Variants in L3MBTL4 observed in about 807,000 individuals in gnomAD.
L3MBTL4 encodes L3MBTL histone methyl-lysine binding protein 4, also known as lethal(3)malignant brain tumor-like protein 4.
Under a neutral mutation model 84.5 loss-of-function variants are expected in L3MBTL4, and 70 were observed. The observed-to-expected ratio is 0.83, with a 90% confidence interval of 0.68 to 1.01. The LOEUF (loss-of-function observed/expected upper bound fraction) is 1.01, where lower values mean the gene tolerates loss of function less well. L3MBTL4 is among the 50% of genes least tolerant of loss of function. L3MBTL4 has a pLI of 0.00. For synonymous variants in L3MBTL4, 274 were observed against 259.8 expected, an observed-to-expected ratio of 1.05 and a Z score of -0.52; for missense variants, 715 against 754.8, an observed-to-expected ratio of 0.95 and a Z score of 0.62.
intron 1 of L3MBTL4, among the ~76,000 whole-genome samples, chr18:6,360,556 A>T (rs1164972984): frequency 6.6e-6 from 1 of 152,218 alleles, no homozygotes; most frequent in Non-Finnish European, 1.5e-5. Context: ...AAACTGAGAG[A>T]TCAAAGGTTG....
At chr18:6,201,409 G>A (rs903365713) in intron 12 of L3MBTL4, among the ~76,000 whole-genome samples, 1 of 152,190 alleles carries the variant, frequency 6.6e-6, no homozygotes. Context: ...AGAAGGCTGT[G>A]AGGAGCGAGG....
chr18:6,163,270 T>TGGGG (rs371267417), intron 13 of L3MBTL4, among the ~76,000 whole-genome samples: 4 of 52,118 alleles, frequency 7.7e-5, no homozygotes, highest in African/African-American at 1.6e-4. Flanking sequence ...GGGGGGGGGG[T>TGGGG]GGGTGTGTGT....
chr18:6,133,679 A>T, intron 14 of L3MBTL4, among the ~76,000 whole-genome samples: 1 of 152,186 alleles, frequency 6.6e-6, no homozygotes, highest in East Asian at 1.9e-4. Flanking sequence ...GGCAACCATC[A>T]GGTGATGGTC....
rs577991217 is a variant in L3MBTL4, at chr18:6,241,568, C to A, written c.461-119G>T. 5.0e-5 allele frequency: 29 copies of A among 575,710 alleles called. 1 individual carries two copies. Among genetic ancestry groups the A allele is most frequent in the African/African-American group, 3.3e-4 (17 of 52,094 alleles). 35.7% of individuals were successfully genotyped at this position (575,710 alleles called of 1,614,324 possible). A position where few individuals can be genotyped will look rare whatever the true frequency, so the allele number is the denominator to read the frequency against. ...GCCATTACTTTTAATGGAAAAAAAACGCAATTACTTTTGCACCAACCTCAT... is the reference window on the plus strand; with the variant it reads ...GCCATTACTTTTAATGGAAAAAAAAAGCAATTACTTTTGCACCAACCTCAT... On this transcript the variant is annotated intron_variant, in intron 7 of 18. Transcript: ENST00000317931.
At chr18:6,347,619 C>CT (rs199620848) in intron 1 of L3MBTL4, among the ~76,000 whole-genome samples, 4 of 151,272 alleles carry the variant, frequency 2.6e-5, no homozygotes, top group Non-Finnish European at 5.9e-5. Context: ...CAATTCATAA[C>CT]TTTTTAAAAA....
At chr18:6,263,841 A>G in intron 5 of L3MBTL4, 106 bp downstream of exon 5, 1 of 818,966 alleles carries the variant, frequency 1.2e-6, no homozygotes. Context: ...CAGAGCCTAC[A>G]AATAATTCAA....
intron 16 of L3MBTL4, among the ~76,000 whole-genome samples, chr18:6,006,335 A>T (rs1435318108): frequency 6.6e-6 from 1 of 152,204 alleles, no homozygotes; most frequent in Non-Finnish European, 1.5e-5. Context: ...CATGAGGTCA[A>T]AGACAGAATA....
chr18:6,115,884 G>C (rs2059342635), intron 14 of L3MBTL4, among the ~76,000 whole-genome samples: 1 of 152,186 alleles, frequency 6.6e-6, no homozygotes, highest in African/African-American at 2.4e-5. Flanking sequence ...GATGCCCTGG[G>C]AGGTGGGGCC....
intron 14 of L3MBTL4, among the ~76,000 whole-genome samples, chr18:6,128,786 G>T (rs542342634): frequency 3.5e-4 from 54 of 152,200 alleles, no homozygotes; most frequent in African/African-American, 1.3e-3. Context: ...AGGAAAGGGA[G>T]ATAAAGGGAA....
At chr18:5,969,193 A>G (rs1037209700) in intron 17 of L3MBTL4, among the ~76,000 whole-genome samples, 200 bp downstream of exon 17, 1 of 152,138 alleles carries the variant, frequency 6.6e-6, no homozygotes, top group Non-Finnish European at 1.5e-5. Flanking sequence ...CATCTGGGCA[A>G]GTGGTGGGCT....
At chr18:6,185,078 A>G (rs2044657909) in intron 12 of L3MBTL4, among the ~76,000 whole-genome samples, 1 of 152,214 alleles carries the variant, frequency 6.6e-6, no homozygotes, top group Admixed American at 6.5e-5. Flanking sequence ...GGTAAATTTG[A>G]TGAATTCCAT....
At chr18:6,383,765 G>T (rs2054699027) in intron 1 of L3MBTL4, among the ~76,000 whole-genome samples, 1 of 152,176 alleles carries the variant, frequency 6.6e-6, no homozygotes, top group African/African-American at 2.4e-5. Flanking sequence ...CAGCCATCTT[G>T]CCAGCAATCC....
chr18:6,295,513 AC>A (rs983719808), intron 4 of L3MBTL4, among the ~76,000 whole-genome samples: 6 of 152,070 alleles, frequency 3.9e-5, no homozygotes, highest in African/African-American at 1.4e-4. Context: ...GCACGAATTC[AC>A]CCAAAAGAGA....
At chr18:6,239,149 G>A (rs958579693) in intron 9 of L3MBTL4, among the ~76,000 whole-genome samples, 14 of 151,712 alleles carry the variant, frequency 9.2e-5, no homozygotes, top group Non-Finnish European at 1.5e-4. Flanking sequence ...AGACCATCCC[G>A]GCTAAAACGG....
In L3MBTL4 at chr18:6,237,994, C is replaced by T. The variant is rs1599284213; in HGVS notation, c.754G>A (p.Glu252Lys). ...PYVQPVGWCQ[E>K]NGRTLIAPQG... ...GGTGCTATCAGAGTTCTTCCATTCT[C>T]CTGACACCAACCAACTGGCTGGACA... Residue 252 changes from glutamate to lysine, a missense_variant, in exon 10 of 19, where the codon GAG (glutamate) becomes AAG (lysine). By Grantham distance (56) the Glu-to-Lys change is moderately conservative (BLOSUM62 1). Transcript: ENST00000317931. 6.2e-7 allele frequency: 1 copy of T among 1,614,164 alleles called. No individual in the cohort carries two copies.
intron 16 of L3MBTL4, among the ~76,000 whole-genome samples, chr18:5,986,596 T>G (rs2053474348): frequency 6.6e-6 from 1 of 152,248 alleles, no homozygotes; most frequent in Non-Finnish European, 1.5e-5. Flanking sequence ...AAGCAAAGAT[T>G]TCAAAATAGG....
At position 6,332,319 on chromosome 18, in the gene L3MBTL4, C is replaced by T. The variant is rs142848265; in HGVS notation, c.-90-20263G>A. Among the ~76,000 whole-genome samples the T allele has an allele frequency of 2.4e-3, 372 of 152,262 alleles. 3 individuals are homozygous for T. The highest frequency in any genetic ancestry group is 8.5e-3 in the African/African-American group (353 of 41,532). On this transcript the variant is annotated intron_variant, in intron 1 of 18. Coordinates refer to ENST00000317931, the MANE Select transcript of L3MBTL4 (RefSeq NM_001330559.2). ...CAAAGAGTTGACACGTTCTGAAGAC[C>T]ACTGGGCTGCTCATAGAATACAATG...
intron 15 of L3MBTL4, among the ~76,000 whole-genome samples, chr18:6,085,962 T>G (rs1235012448): frequency 6.6e-6 from 1 of 152,200 alleles, no homozygotes; most frequent in African/African-American, 2.4e-5. Context: ...CTGGAATTAT[T>G]AAGGTGGACA....
At chr18:6,364,404 G>A (rs1166178697) in intron 1 of L3MBTL4, among the ~76,000 whole-genome samples, 2 of 151,586 alleles carry the variant, frequency 1.3e-5, no homozygotes, top group East Asian at 3.9e-4. Context: ...AGCACCTTTG[G>A]GTCCTTAGTA....
Sources: allele counts gnomAD v4.1 joint callset (sites outside exome capture counted in the v4.1 genomes callset), GRCh38; gene constraint gnomAD v4.1.1; transcripts MANE v1.5; gene names NCBI Gene and HGNC (gene_info 2026-07-23, HGNC 2026-07-21).